CDK19: variants seen among roughly 807,000 people sequenced by gnomAD.
CDK19 encodes the protein cyclin dependent kinase 19.
In CDK19, 20 loss-of-function variants were observed where a neutral mutation model predicts 68.3. The ratio of observed to expected loss-of-function variants is 0.29; its 90% CI spans 0.21 to 0.43. The LOEUF (loss-of-function observed/expected upper bound fraction) is 0.43, where lower values mean the gene tolerates loss of function less well. CDK19 is among the 20% of genes least tolerant of loss of function. CDK19 has a pLI of 1.00. For synonymous variants in CDK19, 221 were observed against 222.8 expected (o/e 0.99, Z 0.07); for missense variants, 339 against 623.5 (o/e 0.54, Z 4.86).
chr6:110,713,109 C>CT (rs1052545927), intron 2 of CDK19, among the ~76,000 whole-genome samples: 3 of 151,208 alleles, frequency 2.0e-5, no homozygotes, highest in African/African-American at 7.3e-5. Flanking sequence ...ACACAGGAGA[C>CT]TCGCTTGAAC....
chr6:110,661,535 G>C (rs1468110774), intron 4 of CDK19, among the ~76,000 whole-genome samples: 2 of 152,090 alleles, frequency 1.3e-5, no homozygotes, highest in Non-Finnish European at 2.9e-5. Flanking sequence ...CTACAGCCTT[G>C]TACCACTGGC....
chr6:110,669,458 T>C (rs1562179105), intron 3 of CDK19, among the ~76,000 whole-genome samples: 1 of 151,790 alleles, frequency 6.6e-6, no homozygotes, highest in Non-Finnish European at 1.5e-5. Context: ...GCCTGGGTGA[T>C]AGAGCGAGAC....
chr6:110,669,392 G>A (rs1031258876), intron 3 of CDK19, among the ~76,000 whole-genome samples: 1 of 152,150 alleles, frequency 6.6e-6, no homozygotes, highest in Non-Finnish European at 1.5e-5. Flanking sequence ...CAGGAGGATC[G>A]CTTGAGCCCA....
At chr6:110,734,520 G>GCGCTCT (rs1554214772) in intron 2 of CDK19, among the ~76,000 whole-genome samples, 1 of 85,734 alleles carries the variant, frequency 1.2e-5, no homozygotes, top group Non-Finnish European at 2.3e-5. Context: ...GGTGAGCACT[G>GCGCTCT]CTCTCTCTCT....
At chr6:110,668,603 C>T (rs1770715181) in intron 3 of CDK19, among the ~76,000 whole-genome samples, 1 of 152,058 alleles carries the variant, frequency 6.6e-6, no homozygotes, top group African/African-American at 2.4e-5. Context: ...GAGGCCGAGG[C>T]AGGTGGATCA....
chr6:110,662,077 C>A (rs182321945), intron 4 of CDK19, among the ~76,000 whole-genome samples: 2 of 152,304 alleles, frequency 1.3e-5, no homozygotes, highest in East Asian at 3.9e-4. Flanking sequence ...TCAAGCGATT[C>A]TCCTGCCTCA....
chr6:110,712,631 G>A (rs550785403), intron 2 of CDK19, among the ~76,000 whole-genome samples: 3 of 152,162 alleles, frequency 2.0e-5, no homozygotes, highest in Non-Finnish European at 4.4e-5. Context: ...AGGTTTCCTT[G>A]CTAAGGCAGA....
chr6:110,649,868 G>C (rs986681059), intron 4 of CDK19, among the ~76,000 whole-genome samples: 6 of 152,250 alleles, frequency 3.9e-5, no homozygotes, highest in Admixed American at 1.3e-4. Flanking sequence ...CAGAATTCCA[G>C]TACATAGCTG....
intron 1 of CDK19, among the ~76,000 whole-genome samples, chr6:110,786,076 T>C (rs886552974): frequency 5.3e-5 from 8 of 152,218 alleles, no homozygotes; most frequent in African/African-American, 1.7e-4. Context: ...TTTGGTATGG[T>C]ACCATTCCTT....
At chr6:110,660,599 G>A (rs1189522329) in intron 4 of CDK19, among the ~76,000 whole-genome samples, 1 of 150,734 alleles carries the variant, frequency 6.6e-6, no homozygotes, top group Admixed American at 6.6e-5. Flanking sequence ...GCTCTCAGCA[G>A]GAAGGGGAGC....
intron 1 of CDK19, among the ~76,000 whole-genome samples, chr6:110,785,114 TAAAC>T (rs964641368): frequency 2.1e-5 from 3 of 143,686 alleles, no homozygotes; most frequent in South Asian, 4.5e-4. Flanking sequence ...TAGAGGGCCC[TAAAC>T]AAACATTTAT....
rs1293577309 is a variant in CDK19, at chr6:110,615,840, G to A, written c.1378-1174C>T. Among the ~76,000 whole-genome samples the A allele has an allele frequency of 3.9e-5, 6 of 152,306 alleles. No homozygotes were observed. The East Asian group carries it at 1.2e-3, about 29-fold the overall frequency. On this transcript the variant is annotated intron_variant, in intron 12 of 12. Coordinates refer to ENST00000368911, the MANE Select transcript of CDK19 (RefSeq NM_015076.5). The stretch of plus-strand genomic sequence containing the variant: ...AATTGGCTACTCCCCAATTACTCCT[G>A]TAAATAACATCACTATTGTCAACCT...
chr6:110,811,949 G>A (rs1194563363), intron 1 of CDK19, among the ~76,000 whole-genome samples: 1 of 151,104 alleles, frequency 6.6e-6, no homozygotes, highest in African/African-American at 2.4e-5. Flanking sequence ...TGTAATCCCA[G>A]CATTTTGGGA....
chr6:110,700,514 G>A (rs1258365712), intron 2 of CDK19: 1 of 152,006 alleles, frequency 6.6e-6, no homozygotes. Context: ...ACTCAATGCT[G>A]TTCACTCTCA....
chr6:110,788,589 A>C (rs112883051), intron 1 of CDK19, among the ~76,000 whole-genome samples: 1 of 152,066 alleles, frequency 6.6e-6, no homozygotes, highest in Non-Finnish European at 1.5e-5. Context: ...TTTTTCTCAA[A>C]TCACATTAGA....
rs1194812139 is a variant in CDK19, at chr6:110,621,333, G to A, written c.1148C>T (p.Thr383Ile). 1.3e-6 allele frequency: 2 copies of A among 1,580,974 alleles called. No homozygotes were observed. The highest frequency in any genetic ancestry group is 1.7e-6 in the Non-Finnish European group (2 of 1,163,722). ...QQQQNQHQQP[T>I]APPQQAAAPP... is the part of the protein sequence containing the mutation. ...GGCTGCTGCCTGCTGTGGAGGGGCTGTGGGCTGCTGATGCTGGTTCTGCTG... is the reference window on the plus strand; with the variant it reads ...GGCTGCTGCCTGCTGTGGAGGGGCTATGGGCTGCTGATGCTGGTTCTGCTG... Residue 383 changes from threonine to isoleucine, a missense_variant, in exon 12 of 13, where the codon ACA becomes ATA. This residue lies in a region of CDK19 where 155 missense variants were observed against 222.7 expected (regional missense o/e 0.70). Coordinates refer to ENST00000368911, the MANE Select transcript of CDK19 (RefSeq NM_015076.5). The surrounding 1 kb of genome is among the most constrained non-coding windows in gnomAD (Gnocchi z 5.4).
At chr6:110,662,112 G>C (rs1349573248) in intron 4 of CDK19, among the ~76,000 whole-genome samples, 1 of 152,136 alleles carries the variant, frequency 6.6e-6, no homozygotes, top group Non-Finnish European at 1.5e-5. Flanking sequence ...TGAGATTACA[G>C]GCATGTGCCA....
chr6:110,777,436 T>C (rs1780485168), intron 1 of CDK19, among the ~76,000 whole-genome samples: 1 of 152,070 alleles, frequency 6.6e-6, no homozygotes, highest in South Asian at 2.1e-4. Context: ...TCATACCTTA[T>C]GATGGTTACT....
intron 1 of CDK19, among the ~76,000 whole-genome samples, chr6:110,797,125 A>G (rs771771070): frequency 6.6e-6 from 1 of 151,840 alleles, no homozygotes; most frequent in Admixed American, 6.6e-5. Flanking sequence ...GTGGATCACG[A>G]GGTCAGGAGT....
Sources: allele counts gnomAD v4.1 joint callset (sites outside exome capture counted in the v4.1 genomes callset), GRCh38; gene constraint gnomAD v4.1.1; regional missense constraint gnomAD v4.1.1; non-coding constraint Gnocchi (gnomAD v3.1); transcripts MANE v1.5; gene names NCBI Gene and HGNC (gene_info 2026-07-23, HGNC 2026-07-21).